The following ZC3H14 variants were observed in gnomAD, a reference collection of about 807,000 sequenced individuals.
ZC3H14 encodes zinc finger CCCH domain-containing protein 14.
ZC3H14 carries 31 observed loss-of-function variants against 92.4 expected under a neutral mutation model. The observed-to-expected ratio is 0.34, with a 90% CI of 0.25 to 0.45. The LOEUF is 0.45. Among genes scored for constraint, ZC3H14 ranks in the 20% least tolerant of loss-of-function variants. The pLI, the probability that ZC3H14 is intolerant of heterozygous loss-of-function variation, is 1.00. For missense variants in ZC3H14, 781 were observed against 897.3 expected (o/e 0.87, Z 1.66); for synonymous variants, 321 against 300.9 (o/e 1.07, Z -0.69).
rs989436844 is a variant in ZC3H14 at position 88,573,062 on chromosome 14, C to G, written c.861+55C>G. On this transcript the variant is annotated intron_variant, in intron 6 of 16. Coordinates refer to ENST00000251038, the MANE Select transcript of ZC3H14 (RefSeq NM_024824.5). ...GGCTAAAAATCGGCAGTTCTTGATA[C>G]CAAATAATATATGAAGTAACTAAAC... The G allele has an allele frequency of 5.1e-6, 8 of 1,576,018 alleles. No homozygotes were observed. The Admixed American group carries it at 1.3e-4, about 26-fold the overall frequency.
rs1567013334 is a variant in ZC3H14, at chr14:88,618,216, ATAAG to A, written c.*6468_*6471del. 12 of 1,611,010 alleles carry A rather than the reference ATAAG, an allele frequency of 7.4e-6. No homozygotes were observed. The highest frequency in any genetic ancestry group is 9.3e-6 in the Non-Finnish European group (11 of 1,177,702). On this transcript the variant is annotated 3_prime_UTR_variant, in exon 17 of 17. Coordinates refer to ENST00000251038, the MANE Select transcript of ZC3H14 (RefSeq NM_024824.5). Reference sequence around the variant, plus strand: ...AAGTCAGTTCTTGCCTTGTGAATATATAAGTATTTACCTAGTCCATGTAGCCCAA... The same window carrying A: ...AAGTCAGTTCTTGCCTTGTGAATATATATTTACCTAGTCCATGTAGCCCAA...
intron 4 of ZC3H14, among the ~76,000 whole-genome samples, chr14:88,571,659 C>G (rs2080408601): frequency 6.6e-6 from 1 of 152,086 alleles, no homozygotes; most frequent in Admixed American, 6.6e-5. Context: ...AAGGAAACGA[C>G]TTAAAGTAAT....
chr14:88,616,817 C>T lies in ZC3H14; in HGVS notation c.*5066C>T. 1.9e-6 allele frequency: 3 copies of T among 1,613,900 alleles called. No individual in the cohort carries two copies. Among genetic ancestry groups the T allele is most frequent in the East Asian group, 4.5e-5 (2 of 44,862 alleles). On this transcript the variant is annotated 3_prime_UTR_variant, in exon 17 of 17. Coordinates refer to ENST00000251038, the MANE Select transcript of ZC3H14 (RefSeq NM_024824.5). Reference sequence around the variant, plus strand: ...GATTCCTGAATGAGATACACAGGCACAGTTGACATCAGCTTTCTCAGCATG... The same window carrying T: ...GATTCCTGAATGAGATACACAGGCATAGTTGACATCAGCTTTCTCAGCATG...
Position 88,622,320 on chromosome 14 carries a change from T to C in ZC3H14, c.*10569T>C. On this transcript the variant is annotated 3_prime_UTR_variant, in exon 17 of 17. Transcript: ENST00000251038. ...GACAGCTGTCCTAATATGAGTCAACTGCCAAGGGCTTTCAATTATGTCTAC... is the reference window on the plus strand; with the variant it reads ...GACAGCTGTCCTAATATGAGTCAACCGCCAAGGGCTTTCAATTATGTCTAC... 1 of 279,232 alleles carries C rather than the reference T, an allele frequency of 3.6e-6. No individual in the cohort carries two copies. The highest frequency in any genetic ancestry group is 6.4e-5 in the East Asian group (1 of 15,690). The allele number at this position is 279,232 out of a possible 1,614,324, so 17.3% of individuals were successfully genotyped here.
chr14:88,568,295 A>G (rs2079955008), intron 3 of ZC3H14, 142 bp downstream of exon 3: 6 of 713,516 alleles, frequency 8.4e-6, no homozygotes, highest in Admixed American at 4.1e-5. Flanking sequence ...CAGCCTCTGT[A>G]TTAGTCCATT....
intron 1 of ZC3H14, 59 bp from the exon 2 acceptor site, chr14:88,563,592 C>T: frequency 6.2e-7 from 1 of 1,602,442 alleles, no homozygotes; most frequent in Non-Finnish European, 8.6e-7. Context: ...GCTGCAGAGT[C>T]CGGTCTTGTT....
Position 88,615,793 on chromosome 14 carries a change from A to G in ZC3H14, c.*4042A>G. The G allele has an allele frequency of 6.2e-7, 1 of 1,606,260 alleles. No individual in the cohort carries two copies. Among genetic ancestry groups the G allele is most frequent in the Non-Finnish European group, 8.5e-7 (1 of 1,176,464 alleles). On this transcript the variant is annotated 3_prime_UTR_variant, in exon 17 of 17. Transcript: ENST00000251038. ...CTCTGTAATTCTGGTCTCAAAGTTA[A>G]TTTCTGTAGTCATCTCAGCATCTCT... is the stretch of plus-strand genomic sequence containing the variant.
At chr14:88,592,971 C>CTTT (rs11403585) in intron 9 of ZC3H14, among the ~76,000 whole-genome samples, 43 of 140,592 alleles carry the variant, frequency 3.1e-4, no homozygotes, top group African/African-American at 8.6e-4. Context: ...CTTTACTATT[C>CTTT]TTTTTTTTTT....
intron 9 of ZC3H14, among the ~76,000 whole-genome samples, chr14:88,582,151 T>A (rs2081981503): frequency 6.6e-6 from 1 of 152,244 alleles, no homozygotes. Flanking sequence ...CATTTTCTTT[T>A]AAAATGATTT....
Position 88,615,716 on chromosome 14 carries a change from A to G in ZC3H14, c.*3965A>G. The G allele has an allele frequency of 9.6e-7, 1 of 1,042,586 alleles. No homozygotes were observed. The highest frequency in any genetic ancestry group is 1.4e-6 in the Non-Finnish European group (1 of 708,260). 64.6% of individuals were successfully genotyped at this position (1,042,586 alleles called of 1,614,324 possible). ...GATTCTGGGCATTTCTCCCTGTTAC[A>G]GTCTTGGGTTAGCACCACTTGACCA... On this transcript the variant is annotated 3_prime_UTR_variant, in exon 17 of 17. Transcript: ENST00000251038.
chr14:88,576,059 A>G, intron 8 of ZC3H14, 119 bp downstream of exon 8: 1 of 877,246 alleles, frequency 1.1e-6, no homozygotes, highest in Non-Finnish European at 1.8e-6. Context: ...CAAGACCAAG[A>G]TGAGGTTCCC....
rs1036862406 is a variant in ZC3H14, at chr14:88,572,892, T to C, written c.746T>C (p.Met249Thr). The C allele has an allele frequency of 4.3e-6, 7 of 1,614,088 alleles. No individual in the cohort carries two copies. The highest frequency in any genetic ancestry group is 5.9e-6 in the Non-Finnish European group (7 of 1,180,052). Residue 249 changes from methionine (M) to threonine (T), a missense_variant, in exon 6 of 17, where the codon ATG becomes ACG. By Grantham distance (81) the Met-to-Thr change is moderately conservative. Coordinates refer to ENST00000251038, the MANE Select transcript of ZC3H14 (RefSeq NM_024824.5). ...NSIHAAKQLD[M>T]QSSWVYETGR... ...ATTCATGCTGCCAAGCAGCTTGATA[T>C]GCAGAGTAGTTGGGTATATGAAACA...
At chr14:88,569,727 C>A (rs10144475) in intron 3 of ZC3H14, among the ~76,000 whole-genome samples, 3 of 151,984 alleles carry the variant, frequency 2.0e-5, no homozygotes, top group Non-Finnish European at 4.4e-5. Context: ...AAGTTCTTGC[C>A]TTTATACCAA....
At chr14:88,568,261 G>A in intron 3 of ZC3H14, 108 bp downstream of exon 3, 2 of 902,500 alleles carry the variant, frequency 2.2e-6, no homozygotes, top group South Asian at 2.8e-5. Context: ...ACTTTGGAGA[G>A]GCAGTTTGTG....
intron 9 of ZC3H14, 109 bp downstream of exon 9, chr14:88,578,249 A>G: frequency 7.1e-7 from 1 of 1,415,358 alleles, no homozygotes; most frequent in Non-Finnish European, 9.8e-7. Flanking sequence ...AGTGATGATT[A>G]AGCCCAGAAA....
chr14:88,567,938 G>A (rs753314770), intron 2 of ZC3H14, 101 bp from the exon 3 acceptor site: 10 of 944,708 alleles, frequency 1.1e-5, no homozygotes, highest in Middle Eastern at 2.1e-4. Flanking sequence ...AGAGCTCTGC[G>A]ACTCTAAAGC....
At chr14:88,580,080 G>A (rs752108471) in intron 9 of ZC3H14, among the ~76,000 whole-genome samples, 29 of 152,102 alleles carry the variant, frequency 1.9e-4, no homozygotes, top group Non-Finnish European at 3.8e-4. Context: ...CTGTAGTCCT[G>A]TCTCCTTGGG....
rs1037243270 is a variant in ZC3H14 at position 88,575,857 on chromosome 14, C to G, written c.1040C>G (p.Ser347Cys). 1 of 1,613,574 alleles carries G rather than the reference C, an allele frequency of 6.2e-7. No individual in the cohort carries two copies. Among genetic ancestry groups the G allele is most frequent in the African/African-American group, 1.3e-5 (1 of 74,894 alleles). Residue 347 changes from serine (S) to cysteine (C), a missense_variant, in exon 8 of 17, where the codon TCT (serine) becomes TGT (cysteine). Physicochemically the swap from Ser to Cys is moderately radical, Grantham distance 112 (BLOSUM62 -1). This residue lies in a region of ZC3H14 where 454 missense variants were observed against 438.5 expected (regional missense o/e 1.04). Coordinates refer to ENST00000251038, the MANE Select transcript of ZC3H14 (RefSeq NM_024824.5). ...TCTTTTAGACCTTCTCTTCCACCTT[C>G]TAAACAAGCTAACAAGAATCTGATT... ...KPERRPSLPPSKQANKNLILK... is the reference protein window; with the variant it reads ...KPERRPSLPPCKQANKNLILK...
At chr14:88,587,594 G>T (rs934596554) in intron 9 of ZC3H14, among the ~76,000 whole-genome samples, 2 of 152,010 alleles carry the variant, frequency 1.3e-5, no homozygotes, top group Admixed American at 1.3e-4. Flanking sequence ...CCCTACTTTA[G>T]TTAAGACTTA....
Sources: gnomAD v4.1 joint callset for allele counts (sites outside exome capture counted in the v4.1 genomes callset) on GRCh38, gnomAD v4.1.1 for gene constraint, gnomAD v4.1.1 regional missense constraint, MANE v1.5 for transcripts, NCBI Gene and HGNC (gene_info 2026-07-23, HGNC 2026-07-21) for gene names.